The following TRAM2 variants were observed in gnomAD, a reference collection of about 807,000 sequenced individuals.
The protein encoded by TRAM2 is translocation associated membrane protein 2.
TRAM2 carries 12 observed loss-of-function variants against 51.0 expected under a neutral mutation model. The observed-to-expected ratio is 0.24, with a 90% confidence interval of 0.15 to 0.38. TRAM2 has a LOEUF of 0.38. TRAM2 is among the 10% of genes least tolerant of loss of function. The pLI, the probability that TRAM2 is intolerant of heterozygous loss-of-function variation, is 1.00. For missense variants in TRAM2, 361 were observed against 462.0 expected (o/e 0.78, Z 2.00); for synonymous variants, 175 against 179.4 (o/e 0.98, Z 0.20).
intron 10 of TRAM2, among the ~76,000 whole-genome samples, chr6:52,504,138 C>T (rs769823953): frequency 6.6e-6 from 1 of 152,368 alleles, no homozygotes; most frequent in African/African-American, 2.4e-5. Context: ...CACTATGTCA[C>T]TGTGAGTCAT....
At chr6:52,574,457 G>A (rs141743488) in intron 1 of TRAM2, among the ~76,000 whole-genome samples, 32 of 152,332 alleles carry the variant, frequency 2.1e-4, no homozygotes, top group African/African-American at 7.7e-4. Context: ...CTTACTGGAG[G>A]CTTAGGGCAA....
intron 1 of TRAM2, among the ~76,000 whole-genome samples, chr6:52,558,977 T>C (rs1443184522): frequency 6.6e-6 from 1 of 152,112 alleles, no homozygotes; most frequent in Admixed American, 6.5e-5. Flanking sequence ...GAGAGAGAAA[T>C]GGAAAGCTGT....
At chr6:52,559,253 TCAGTGTAACAGACGCGACGGATTA>T in intron 1 of TRAM2, among the ~76,000 whole-genome samples, 1 of 152,284 alleles carries the variant, frequency 6.6e-6, no homozygotes, top group Admixed American at 6.5e-5. Context: ...TCAGGAAAGA[TCAGTGTAACAGACGCGACGGATTA>T]CTTGGAATAT....
At position 52,503,059 on chromosome 6, in the gene TRAM2, T is replaced by TC. The variant is rs1766265939; in HGVS notation, c.*137dup. 16 of 734,044 alleles carry TC rather than the reference T, an allele frequency of 2.2e-5. 1 individual carries two copies. The highest frequency in any genetic ancestry group is 1.9e-4 in the South Asian group (12 of 62,792). 45.5% of individuals were successfully genotyped at this position (734,044 alleles called of 1,614,324 possible). A position where few individuals can be genotyped will look rare whatever the true frequency, so the allele number is the denominator to read the frequency against. On this transcript the variant is annotated 3_prime_UTR_variant, in exon 11 of 11. Transcript: ENST00000182527. ...AGAAGAAGGAAAGCGAAACGCCCCC[T>TC]CCCCCCATTGCAAGACAGGTTTCGG...
chr6:52,571,191 G>A (rs981698986), intron 1 of TRAM2, among the ~76,000 whole-genome samples: 3 of 152,070 alleles, frequency 2.0e-5, no homozygotes, highest in East Asian at 1.9e-4. Context: ...TAGCGCTCTC[G>A]CTGATTAGAA....
chr6:52,545,909 C>A (rs942094802), intron 1 of TRAM2, among the ~76,000 whole-genome samples: 1 of 152,156 alleles, frequency 6.6e-6, no homozygotes, highest in Non-Finnish European at 1.5e-5. Context: ...CAACCCCACA[C>A]CCAGCACCAC....
At chr6:52,524,891 T>G (rs1280406641) in intron 2 of TRAM2, 1 of 152,134 alleles carries the variant, frequency 6.6e-6, no homozygotes, top group Non-Finnish European at 1.5e-5. Context: ...GATAAAACCA[T>G]CTACCTTTTC....
chr6:52,563,941 G>A (rs1037700920), intron 1 of TRAM2, among the ~76,000 whole-genome samples: 7 of 150,640 alleles, frequency 4.6e-5, no homozygotes, highest in Admixed American at 6.6e-5. Context: ...AAGATTATAG[G>A]CTCTCTTATC....
At chr6:52,573,474 T>A (rs1383883767) in intron 1 of TRAM2, among the ~76,000 whole-genome samples, 1 of 152,220 alleles carries the variant, frequency 6.6e-6, no homozygotes, top group Non-Finnish European at 1.5e-5. Context: ...TGACATTTTT[T>A]AGCCAAGTGC....
chr6:52,537,136 C>T (rs992471701), intron 1 of TRAM2, among the ~76,000 whole-genome samples: 25 of 152,212 alleles, frequency 1.6e-4, no homozygotes, highest in African/African-American at 6.0e-4. Flanking sequence ...GTGTCATTTA[C>T]TCTGTACACA....
At chr6:52,576,670 G>T in intron 1 of TRAM2, 126 bp downstream of exon 1, 2 of 1,287,678 alleles carry the variant, frequency 1.6e-6, no homozygotes, top group Non-Finnish European at 1.1e-6. Flanking sequence ...AAGCCGGGGT[G>T]CAGATAACGT....
intron 1 of TRAM2, among the ~76,000 whole-genome samples, chr6:52,549,459 T>G (rs778027226): frequency 2.6e-5 from 4 of 152,190 alleles, no homozygotes; most frequent in South Asian, 2.1e-4. Context: ...ACATAAAATT[T>G]GAAAGTCTCT....
chr6:52,508,253 T>C lies in TRAM2; in HGVS notation c.536A>G (p.Tyr179Cys). The C allele has an allele frequency of 6.2e-7, 1 of 1,614,020 alleles. No individual in the cohort carries two copies. The highest frequency in any genetic ancestry group is 1.1e-5 in the South Asian group (1 of 91,050). ...ACTCACCTTCCGTACCTTCTGGAAGTATAGCTCAGGAAGTGCGTGCAGCCA... is the reference window on the plus strand; with the variant it reads ...ACTCACCTTCCGTACCTTCTGGAAGCATAGCTCAGGAAGTGCGTGCAGCCA... ...AYWLHALPEL[Y>C]FQKVRKEEIP... is the part of the protein sequence containing the mutation. Residue 179 changes from tyrosine to cysteine, a missense_variant, in exon 6 of 11, where the codon TAC becomes TGC. Coordinates refer to ENST00000182527, the MANE Select transcript of TRAM2 (RefSeq NM_012288.4).
intron 10 of TRAM2, among the ~76,000 whole-genome samples, chr6:52,503,776 C>T (rs929258182): frequency 6.6e-6 from 1 of 152,150 alleles, no homozygotes; most frequent in South Asian, 2.1e-4. Context: ...GCCTGACACT[C>T]CTCTGGCAGA....
intron 1 of TRAM2, among the ~76,000 whole-genome samples, chr6:52,547,832 C>G (rs976754025): frequency 1.3e-5 from 2 of 152,224 alleles, no homozygotes; most frequent in Non-Finnish European, 2.9e-5. Flanking sequence ...GAATCAGAAC[C>G]CACAGATATG....
rs1766230504 is a variant in TRAM2 at position 52,501,748 on chromosome 6, T to C, written c.*1449A>G. On this transcript the variant is annotated 3_prime_UTR_variant, in exon 11 of 11. Coordinates refer to ENST00000182527, the MANE Select transcript of TRAM2 (RefSeq NM_012288.4). The stretch of plus-strand genomic sequence containing the variant: ...TAGTAGAGATGGGGTTTCACCATGT[T>C]GGCCAGGCTGGTCTTGAACTCCTAA... 6.6e-6 allele frequency: 1 copy of C among 152,240 alleles called. No homozygotes were observed. Among genetic ancestry groups the C allele is most frequent in the African/African-American group, 2.4e-5 (1 of 41,448 alleles). The allele number at this position is 152,240 out of a possible 1,614,324, so 9.4% of individuals were successfully genotyped here.
At chr6:52,572,379 G>A (rs1017955332) in intron 1 of TRAM2, among the ~76,000 whole-genome samples, 16 of 152,170 alleles carry the variant, frequency 1.1e-4, no homozygotes, top group Admixed American at 7.2e-4. Flanking sequence ...CAAGGTGGGC[G>A]GATCACCTGA....
At position 52,502,103 on chromosome 6, in the gene TRAM2, T is replaced by G. The variant is rs149387537; in HGVS notation, c.*1094A>C. On this transcript the variant is annotated 3_prime_UTR_variant, in exon 11 of 11. Transcript: ENST00000182527. ...ACAAGGGCGGCCAGATGAACAGCGGTCCAAGTGACCCTCCCTGAACACCAA... is the reference window on the plus strand; with the variant it reads ...ACAAGGGCGGCCAGATGAACAGCGGGCCAAGTGACCCTCCCTGAACACCAA... 1 of 152,416 alleles carries G rather than the reference T, an allele frequency of 6.6e-6. No homozygotes were observed. The highest frequency in any genetic ancestry group is 2.1e-4 in the South Asian group (1 of 4,826). 9.4% of individuals were successfully genotyped at this position (152,416 alleles called of 1,614,324 possible).
At chr6:52,520,788 T>G (rs1766657855) in intron 2 of TRAM2, among the ~76,000 whole-genome samples, 1 of 152,180 alleles carries the variant, frequency 6.6e-6, no homozygotes, top group South Asian at 2.1e-4. Context: ...TCTGGTAATA[T>G]ACCATTCCTC....
Sources: gnomAD v4.1 joint callset for allele counts (sites outside exome capture counted in the v4.1 genomes callset) on GRCh38, gnomAD v4.1.1 for gene constraint, MANE v1.5 for transcripts, NCBI Gene and HGNC (gene_info 2026-07-23, HGNC 2026-07-21) for gene names.